Variants in PRELID2 observed in about 807,000 individuals in gnomAD.
PRELID2 encodes the protein PRELI domain containing 2.
Under a neutral mutation model 28.4 loss-of-function variants are expected in PRELID2, and 25 were observed. The ratio of observed to expected loss-of-function variants is 0.88; its 90% CI spans 0.64 to 1.23. The LOEUF (loss-of-function observed/expected upper bound fraction) is 1.23, where lower values mean the gene tolerates loss of function less well. Ranked by LOEUF, PRELID2 falls within the 50% of genes most tolerant of loss-of-function variation. PRELID2 has a pLI of 0.00. For missense variants in PRELID2, 201 were observed against 214.4 expected, an observed-to-expected ratio of 0.94 and a Z score of 0.39; for synonymous variants, 76 against 71.6, an observed-to-expected ratio of 1.06 and a Z score of -0.31.
At chr5:145,487,671 C>G (rs1253781240) in intron 1 of PRELID2, among the ~76,000 whole-genome samples, 1 of 152,136 alleles carries the variant, frequency 6.6e-6, no homozygotes, top group Admixed American at 6.6e-5. Flanking sequence ...CTCCCTTTGT[C>G]CTTCCAGCTT....
At chr5:145,736,874 A>C (rs1002514362) in intron 1 of PRELID2, among the ~76,000 whole-genome samples, 1 of 152,202 alleles carries the variant, frequency 6.6e-6, no homozygotes, top group African/African-American at 2.4e-5. Context: ...GTGCAAGATA[A>C]AACCATAATT....
chr5:145,366,627 T>C, the PRELID2 span, among the ~76,000 whole-genome samples: 1 of 151,922 alleles, frequency 6.6e-6, no homozygotes, highest in Non-Finnish European at 1.5e-5. Context: ...ATCTTCTTTT[T>C]TCCACATAGC....
At chr5:145,560,916 G>A (rs186684785) in intron 1 of PRELID2, among the ~76,000 whole-genome samples, 6 of 152,222 alleles carry the variant, frequency 3.9e-5, no homozygotes, top group Admixed American at 3.3e-4. Flanking sequence ...CCTGGAAGGA[G>A]AAATACAGAA....
the PRELID2 span, among the ~76,000 whole-genome samples, chr5:145,359,234 G>A: frequency 6.6e-6 from 1 of 152,194 alleles, no homozygotes; most frequent in Non-Finnish European, 1.5e-5. Flanking sequence ...TACAACTAGA[G>A]GTTAGCATAA....
chr5:145,659,758 G>A (rs1038521297), intron 1 of PRELID2, among the ~76,000 whole-genome samples: 1 of 152,208 alleles, frequency 6.6e-6, no homozygotes, highest in Non-Finnish European at 1.5e-5. Context: ...TTTCCAGAGA[G>A]AGCAATTCAA....
chr5:145,766,171 C>T (rs941170870), intron 5 of PRELID2, among the ~76,000 whole-genome samples: 4 of 152,116 alleles, frequency 2.6e-5, no homozygotes, highest in Non-Finnish European at 5.9e-5. Flanking sequence ...TCCAGGACAT[C>T]AAAGTTGGAT....
intron 1 of PRELID2, among the ~76,000 whole-genome samples, chr5:145,740,854 GTA>G (rs1756678956): frequency 7.6e-5 from 2 of 26,314 alleles, no homozygotes; most frequent in African/African-American, 1.1e-4. Context: ...AAATATATAT[GTA>G]CATATATTTA....
At chr5:145,528,797 T>C (rs887631452) in intron 1 of PRELID2, among the ~76,000 whole-genome samples, 8 of 148,064 alleles carry the variant, frequency 5.4e-5, no homozygotes, top group Non-Finnish European at 1.5e-5. Flanking sequence ...AAGGGAAAAT[T>C]AAATTTCCCC....
At chr5:145,780,303 GACA>G (rs1361522242) in intron 5 of PRELID2, among the ~76,000 whole-genome samples, 3 of 152,148 alleles carry the variant, frequency 2.0e-5, no homozygotes, top group Non-Finnish European at 2.9e-5. Context: ...GCCTCAAAAC[GACA>G]ACAATAACAA....
At chr5:145,301,949 T>TTTTTTTTTTTG in the PRELID2 span, among the ~76,000 whole-genome samples, 2 of 136,858 alleles carry the variant, frequency 1.5e-5, no homozygotes, top group African/African-American at 2.8e-5. Context: ...TTTTTTTTTT[T>TTTTTTTTTTTG]GCTAACTCTG....
the PRELID2 span, among the ~76,000 whole-genome samples, chr5:145,310,807 CATTA>C: frequency 6.6e-6 from 1 of 151,938 alleles, no homozygotes; most frequent in Admixed American, 6.6e-5. Context: ...GGTTATTTCA[CATTA>C]ATTAAGAAAA....
intron 1 of PRELID2, among the ~76,000 whole-genome samples, chr5:145,706,470 C>T (rs529769422): frequency 2.0e-5 from 3 of 152,254 alleles, no homozygotes; most frequent in African/African-American, 4.8e-5. Flanking sequence ...TTCAAGGGAG[C>T]GCCCACTCAA....
chr5:145,274,423 G>T, the PRELID2 span, among the ~76,000 whole-genome samples: 2,902 of 152,212 alleles, frequency 0.019, 94 homozygotes, highest in African/African-American at 0.065. Context: ...AAAATAATGA[G>T]CTCACTTGAA....
chr5:145,661,682 A>G (rs1458910558), intron 1 of PRELID2, among the ~76,000 whole-genome samples: 1 of 151,094 alleles, frequency 6.6e-6, no homozygotes, highest in Non-Finnish European at 1.5e-5. Flanking sequence ...AAAAAAAAAA[A>G]AAAAAAACAT....
At chr5:145,830,782 A>G (rs1194643742) in intron 1 of PRELID2, among the ~76,000 whole-genome samples, 1 of 152,242 alleles carries the variant, frequency 6.6e-6, no homozygotes, top group Non-Finnish European at 1.5e-5. Context: ...AGTGTCACTT[A>G]GCTTTGAAAG....
At chr5:145,305,119 T>C in the PRELID2 span, among the ~76,000 whole-genome samples, 1 of 152,130 alleles carries the variant, frequency 6.6e-6, no homozygotes, top group African/African-American at 2.4e-5. Context: ...TCATGGGAAT[T>C]TTAAAGCATA....
chr5:145,579,456 G>A (rs983858933), intron 1 of PRELID2, among the ~76,000 whole-genome samples: 2 of 152,064 alleles, frequency 1.3e-5, no homozygotes, highest in Admixed American at 6.6e-5. Context: ...AGCAATAATT[G>A]TGTAATTGTA....
At chr5:145,824,463 T>TGTGTGCGTGTGA (rs373555427) in intron 1 of PRELID2, among the ~76,000 whole-genome samples, 2 of 143,548 alleles carry the variant, frequency 1.4e-5, no homozygotes, top group Non-Finnish European at 3.0e-5. Flanking sequence ...TGTGTGTGTG[T>TGTGTGCGTGTGA]GATATTGATT....
At chr5:145,591,973 C>T (rs1341418990) in intron 1 of PRELID2, among the ~76,000 whole-genome samples, 1 of 152,202 alleles carries the variant, frequency 6.6e-6, no homozygotes, top group Admixed American at 6.5e-5. Flanking sequence ...CTACCTCATC[C>T]TACATTCCAT....
Sources: gnomAD v4.1 joint callset for allele counts (sites outside exome capture counted in the v4.1 genomes callset) on GRCh38, gnomAD v4.1.1 for gene constraint, MANE v1.5 for transcripts, NCBI Gene and HGNC (gene_info 2026-07-23, HGNC 2026-07-21) for gene names.